The following EGLN1 variants were observed in gnomAD, a reference collection of about 807,000 sequenced individuals.
EGLN1 encodes the protein egl nine homolog 1.
EGLN1 carries 17 observed loss-of-function variants against 38.3 expected under a neutral mutation model. The ratio of observed to expected loss-of-function variants is 0.44; its 90% CI spans 0.30 to 0.67. The LOEUF (loss-of-function observed/expected upper bound fraction) is 0.67, where lower values mean the gene tolerates loss of function less well. Ranked by LOEUF, EGLN1 falls within the 30% of genes least tolerant of loss-of-function variation. The pLI, the probability that EGLN1 is intolerant of heterozygous loss-of-function variation, is 0.08. For missense variants in EGLN1, 477 were observed against 603.3 expected, an observed-to-expected ratio of 0.79 and a Z score of 2.19; for synonymous variants, 283 against 257.5, an observed-to-expected ratio of 1.10 and a Z score of -0.95.
chr1:231,366,494 A>T lies in EGLN1; in HGVS notation c.1217-19T>A. 6.2e-7 allele frequency: 1 copy of T among 1,612,840 alleles called. No homozygotes were observed. The highest frequency in any genetic ancestry group is 1.3e-5 in the African/African-American group (1 of 74,980). On this transcript the variant is annotated intron_variant, in intron 4 of 4. Coordinates refer to ENST00000366641, the MANE Select transcript of EGLN1 (RefSeq NM_022051.3). Reference sequence around the variant, plus strand: ...TTTTCACCTGCAAGGTAAAAAAAAAAAAAATTTTCATTCATTCACTAAGCA... The same window carrying T: ...TTTTCACCTGCAAGGTAAAAAAAAATAAAATTTTCATTCATTCACTAAGCA...
intron 3 of EGLN1, chr1:231,369,602 C>A: frequency 1.0e-6 from 1 of 985,094 alleles, no homozygotes; most frequent in Non-Finnish European, 1.2e-6. Context: ...CTACTCAGTA[C>A]GTGAATTAGG....
chr1:231,392,204 G>A (rs534308847), intron 1 of EGLN1, among the ~76,000 whole-genome samples: 56 of 152,112 alleles, frequency 3.7e-4, no homozygotes, highest in African/African-American at 1.2e-3. Flanking sequence ...GGAGAATGGC[G>A]TGAACCTGGG....
At chr1:231,410,928 AC>A (rs1462565950) in intron 1 of EGLN1, among the ~76,000 whole-genome samples, 1 of 152,070 alleles carries the variant, frequency 6.6e-6, no homozygotes, top group African/African-American at 2.4e-5. Context: ...AGTAGACCTA[AC>A]AGAAATTGGT....
chr1:231,370,450 G>C (rs1687792458), intron 3 of EGLN1, 112 bp downstream of exon 3: 1 of 1,153,752 alleles, frequency 8.7e-7, no homozygotes, highest in East Asian at 2.4e-5. Context: ...TAAAATGACT[G>C]TGAAAAGTAC....
rs959726023 is a variant in EGLN1, at chr1:231,422,081, C to G, written c.-193G>C. The G allele has an allele frequency of 6.2e-6, 3 of 481,900 alleles. No homozygotes were observed. Among genetic ancestry groups the G allele is most frequent in the Non-Finnish European group, 1.0e-5 (3 of 300,558 alleles). The allele number at this position is 481,900 out of a possible 1,614,324, so 29.9% of individuals were successfully genotyped here. On this transcript the variant is annotated 5_prime_UTR_variant, in exon 1 of 5. Transcript: ENST00000366641. Reference sequence around the variant, plus strand: ...GCCGCTTCCGAGTCCTAAGCTCCGGCGCAGCGCCGGCAGCCGCCTCAGCGC... The same window carrying G: ...GCCGCTTCCGAGTCCTAAGCTCCGGGGCAGCGCCGGCAGCCGCCTCAGCGC...
At chr1:231,388,075 G>C (rs145603328) in intron 1 of EGLN1, among the ~76,000 whole-genome samples, 1 of 152,166 alleles carries the variant, frequency 6.6e-6, no homozygotes, top group Non-Finnish European at 1.5e-5. Flanking sequence ...TAAATGTCTT[G>C]TTGACAAAAG....
intron 1 of EGLN1, among the ~76,000 whole-genome samples, chr1:231,408,062 C>T (rs1053622349): frequency 2.6e-5 from 4 of 151,988 alleles, no homozygotes; most frequent in African/African-American, 9.7e-5. Context: ...AGTCCTCTGC[C>T]GAAGACAGAA....
chr1:231,390,172 T>C (rs1480662154), intron 1 of EGLN1, among the ~76,000 whole-genome samples: 3 of 152,180 alleles, frequency 2.0e-5, no homozygotes, highest in Non-Finnish European at 4.4e-5. Context: ...CTTAAAACAG[T>C]GTCTGGTGCA....
intron 1 of EGLN1, among the ~76,000 whole-genome samples, chr1:231,416,111 A>T (rs781651586): frequency 6.6e-6 from 1 of 152,164 alleles, no homozygotes; most frequent in Non-Finnish European, 1.5e-5. Context: ...TCAGCCTCCC[A>T]AAGTGCTGGG....
intron 1 of EGLN1, among the ~76,000 whole-genome samples, chr1:231,405,269 T>G (rs1164038916): frequency 3.3e-5 from 5 of 152,034 alleles, no homozygotes; most frequent in Non-Finnish European, 5.9e-5. Context: ...GCCTCCCGGG[T>G]TCACGCCATT....
chr1:231,382,286 A>G (rs1688096237), intron 1 of EGLN1, among the ~76,000 whole-genome samples: 1 of 152,188 alleles, frequency 6.6e-6, no homozygotes, highest in South Asian at 2.1e-4. Context: ...CAGTGTAATT[A>G]TTATTTGTTT....
At chr1:231,380,348 C>T (rs538877138) in intron 1 of EGLN1, among the ~76,000 whole-genome samples, 2 of 149,820 alleles carry the variant, frequency 1.3e-5, no homozygotes, top group East Asian at 3.9e-4. Flanking sequence ...ATAAGAACTC[C>T]TTAAGCCTTG....
chr1:231,416,435 A>AT (rs1689084685), intron 1 of EGLN1, among the ~76,000 whole-genome samples: 74 of 146,430 alleles, frequency 5.1e-4, no homozygotes, highest in African/African-American at 1.7e-3. Context: ...ACAAAAAAAA[A>AT]ATTTTTTTTT....
intron 1 of EGLN1, chr1:231,420,260 C>G (rs112565298): frequency 6.6e-6 from 1 of 152,206 alleles, no homozygotes; most frequent in Admixed American, 6.5e-5. Flanking sequence ...AGTTACAAAA[C>G]AGTTTTCAAC....
intron 1 of EGLN1, among the ~76,000 whole-genome samples, chr1:231,391,965 A>T (rs1000913007): frequency 6.6e-6 from 1 of 152,236 alleles, no homozygotes; most frequent in South Asian, 2.1e-4. Flanking sequence ...CAGAGTGGCT[A>T]AACATAAAAA....
At chr1:231,392,470 A>G (rs1490597197) in intron 1 of EGLN1, among the ~76,000 whole-genome samples, 1 of 152,170 alleles carries the variant, frequency 6.6e-6, no homozygotes, top group African/African-American at 2.4e-5. Context: ...TGTCTGATTC[A>G]CTATATGCTG....
chr1:231,383,951 A>T (rs1472330642), intron 1 of EGLN1, among the ~76,000 whole-genome samples: 4 of 151,190 alleles, frequency 2.6e-5, no homozygotes, highest in Non-Finnish European at 4.4e-5. Context: ...ATCAAAAATA[A>T]AGAGTTTTGA....
At position 231,398,194 on chromosome 1, in the gene EGLN1, G is replaced by T. The variant is rs530037795; in HGVS notation, c.891+22804C>A. On this transcript the variant is annotated intron_variant, in intron 1 of 4. Transcript: ENST00000366641. ...GGGAGCTAAAAGTTCATTCTACCTT[G>T]CAGTCAATATCTCAAAAAGATAATT... Among the ~76,000 whole-genome samples the T allele has an allele frequency of 1.4e-4, 22 of 152,282 alleles. No individual in the cohort carries two copies. In the South Asian group the frequency reaches 4.6e-3, roughly 32 times the overall value.
At chr1:231,388,856 T>C (rs1272292180) in intron 1 of EGLN1, among the ~76,000 whole-genome samples, 1 of 152,132 alleles carries the variant, frequency 6.6e-6, no homozygotes, top group Admixed American at 6.5e-5. Context: ...GATTTCACCA[T>C]GTTGGCCAGA....
Sources: gnomAD v4.1 joint callset for allele counts (sites outside exome capture counted in the v4.1 genomes callset) on GRCh38, gnomAD v4.1.1 for gene constraint, MANE v1.5 for transcripts, NCBI Gene and HGNC (gene_info 2026-07-23, HGNC 2026-07-21) for gene names.